The following CMPK2 variants were observed in gnomAD, a reference collection of about 807,000 sequenced individuals.
The protein encoded by CMPK2 is UMP-CMP kinase 2, mitochondrial.
In CMPK2, 32 loss-of-function variants were observed where a neutral mutation model predicts 33.4. That is an observed-to-expected ratio of 0.96 (90% confidence interval 0.72 to 1.29). The LOEUF (loss-of-function observed/expected upper bound fraction) is 1.29, where lower values mean the gene tolerates loss of function less well. Among genes scored for constraint, CMPK2 ranks in the 50% most tolerant of loss-of-function variants. CMPK2 has a pLI of 0.00. For missense variants in CMPK2, 672 were observed against 616.0 expected (o/e 1.09, Z -0.96); for synonymous variants, 299 against 275.3 (o/e 1.09, Z -0.85).
At chr2:6,842,129 C>A (rs1662249131) in intron 3 of CMPK2, among the ~76,000 whole-genome samples, 2 of 152,096 alleles carry the variant, frequency 1.3e-5, no homozygotes, top group South Asian at 4.2e-4. Flanking sequence ...TAGAACTTTA[C>A]TTGTAAAGAC....
In CMPK2 at chr2:6,865,106, C is replaced by A. The variant is rs371846668; in HGVS notation, c.591G>T (p.Glu197Asp). 1.4e-3 allele frequency: 2,134 copies of A among 1,506,400 alleles called. 5 individuals are homozygous for A. The highest frequency in any genetic ancestry group is 1.7e-3 in the Non-Finnish European group (1,864 of 1,126,354). The allele number at this position is 1,506,400 out of a possible 1,614,324, so 93.3% of individuals were successfully genotyped here. ...CTGGCACCACCGGGTGCAGCGGGGGCTCCGGGACGGGCACGACCTGTGCGC... is the reference window on the plus strand; with the variant it reads ...CTGGCACCACCGGGTGCAGCGGGGGATCCGGGACGGGCACGACCTGTGCGC... ...VGCAQVVPVP[E>D]PPLHPVVPDL... is the part of the protein sequence containing the mutation. The change falls in exon 1 of 5, where the codon GAG (glutamate) becomes GAT (aspartate). Residue 197 changes from glutamate to aspartate, a missense_variant. Glu to Asp is a conservative substitution (Grantham distance 45). Transcript: ENST00000256722.
At chr2:6,858,361 C>T (rs912422111) in intron 3 of CMPK2, among the ~76,000 whole-genome samples, 4 of 152,016 alleles carry the variant, frequency 2.6e-5, no homozygotes, top group Non-Finnish European at 4.4e-5. Context: ...ATTATCTTAC[C>T]TCATCTTATG....
At chr2:6,865,949 C>T (rs868805759), upstream of CMPK2, 3 of 1,296,350 alleles carry the variant, frequency 2.3e-6, no homozygotes, top group Non-Finnish European at 3.0e-6. Context: ...CGCTTGGCCC[C>T]GGGGCCCCAG....
chr2:6,849,681 T>G lies in CMPK2; in HGVS notation c.*169A>C. The G allele has an allele frequency of 1.4e-6, 2 of 1,469,398 alleles. No individual in the cohort carries two copies. The highest frequency in any genetic ancestry group is 1.8e-6 in the Non-Finnish European group (2 of 1,121,028). 91.0% of individuals were successfully genotyped at this position (1,469,398 alleles called of 1,614,324 possible). A position where few individuals can be genotyped will look rare whatever the true frequency, so the allele number is the denominator to read the frequency against. On this transcript the variant is annotated 3_prime_UTR_variant, in exon 5 of 5. Transcript: ENST00000256722. ...ACCTTTGTGATGACGGGTCCATCAG[T>G]CAGAAGAGGGTACGATGGCTGAAGT...
upstream of CMPK2, chr2:6,865,923 G>A (rs1312663554): frequency 2.2e-6 from 3 of 1,394,908 alleles, no homozygotes; most frequent in Admixed American, 5.4e-5. Flanking sequence ...ATAAACGGCC[G>A]GCGCTCGGGA....
At chr2:6,846,132 G>A (rs887990304), downstream of CMPK2, among the ~76,000 whole-genome samples, 6 of 152,164 alleles carry the variant, frequency 3.9e-5, no homozygotes, top group African/African-American at 1.4e-4. Flanking sequence ...AGAAATGTTA[G>A]GTAAAAACTC....
chr2:6,863,491 C>T lies in CMPK2; in HGVS notation c.763G>A (p.Val255Ile). The T allele has an allele frequency of 6.2e-7, 1 of 1,614,188 alleles. No individual in the cohort carries two copies. The highest frequency in any genetic ancestry group is 8.5e-7 in the Non-Finnish European group (1 of 1,180,026). Residue 255 changes from valine (V) to isoleucine (I), a missense_variant, in exon 2 of 5, where the codon GTT (valine) becomes ATT (isoleucine). Transcript: ENST00000256722. ...GTGGCATCCAGTCCTTCGATGGCAA[C>T]AACCTGGAACTTTCCTTTCTGGATC... ...KQIQKGKFQV[V>I]AIEGLDATGK...
chr2:6,841,109 C>A (rs1317517501), intron 3 of CMPK2, among the ~76,000 whole-genome samples: 2 of 152,100 alleles, frequency 1.3e-5, no homozygotes, highest in African/African-American at 2.4e-5. Flanking sequence ...TTTTGAGACC[C>A]CTTGGGTAAC....
chr2:6,865,280 G>T lies in CMPK2; in HGVS notation c.417C>A (p.Asp139Glu). ...QGFLLRDPLDDPDTRQALLEL... is the reference protein window; with the variant it reads ...QGFLLRDPLDEPDTRQALLEL... ...CGAGCAGCGCTTGCCGGGTGTCAGGGTCATCCAGGGGGTCGCGCAGCAGGA... is the reference window on the plus strand; with the variant it reads ...CGAGCAGCGCTTGCCGGGTGTCAGGTTCATCCAGGGGGTCGCGCAGCAGGA... The change falls in exon 1 of 5, where the codon GAC becomes GAA. Residue 139 changes from aspartate (D) to glutamate (E), a missense_variant. Physicochemically the swap from Asp to Glu is conservative, Grantham distance 45. Coordinates refer to ENST00000256722, the MANE Select transcript of CMPK2 (RefSeq NM_207315.4). 1 of 1,533,576 alleles carries T rather than the reference G, an allele frequency of 6.5e-7. No homozygotes were observed. The highest frequency in any genetic ancestry group is 1.2e-5 in the South Asian group (1 of 84,230). 95.0% of individuals were successfully genotyped at this position (1,533,576 alleles called of 1,614,324 possible).
rs1662880646 is a variant in CMPK2, at chr2:6,861,438, A to C, written c.791-53T>G. 3 of 1,387,930 alleles carry C rather than the reference A, an allele frequency of 2.2e-6. No individual in the cohort carries two copies. The South Asian group carries it at 3.6e-5, about 17-fold the overall frequency. 86.0% of individuals were successfully genotyped at this position (1,387,930 alleles called of 1,614,324 possible). On this transcript the variant is annotated intron_variant, in intron 2 of 4. Coordinates refer to ENST00000256722, the MANE Select transcript of CMPK2 (RefSeq NM_207315.4). ...TCTTAACCACAGCCCCAAAGTTAAC[A>C]TTGACGTAGAAAGAGCACAGACGTT... is the stretch of plus-strand genomic sequence containing the variant.
chr2:6,857,239 A>G (rs1662732108), intron 3 of CMPK2, among the ~76,000 whole-genome samples: 1 of 152,024 alleles, frequency 6.6e-6, no homozygotes, highest in Non-Finnish European at 1.5e-5. Context: ...TAAGTTCAGT[A>G]TGACCTGCTT....
At chr2:6,857,829 G>T (rs928843851) in intron 3 of CMPK2, among the ~76,000 whole-genome samples, 3 of 150,290 alleles carry the variant, frequency 2.0e-5, no homozygotes, top group African/African-American at 7.4e-5. Flanking sequence ...TAGAGACGGG[G>T]TTTCACCGTG....
Position 6,865,259 on chromosome 2 carries a change from C to G in CMPK2, c.438G>C (p.Leu146=). The part of the protein sequence containing the change: ...PLDDPDTRQA[L]LELLGACQEA... ...CCTGACAGGCGCCCAGCAGCTCGAG[C>G]AGCGCTTGCCGGGTGTCAGGGTCAT... Residue 146 remains leucine (L), a synonymous_variant, in exon 1 of 5, where the codon CTG becomes CTC. Transcript: ENST00000256722. The G allele has an allele frequency of 1.3e-6, 2 of 1,537,462 alleles. No homozygotes were observed. Among genetic ancestry groups the G allele is most frequent in the Non-Finnish European group, 1.7e-6 (2 of 1,149,922 alleles).
chr2:6,851,268 A>G, intron 4 of CMPK2, 182 bp downstream of exon 4: 1 of 1,429,626 alleles, frequency 7.0e-7, no homozygotes, highest in Non-Finnish European at 9.2e-7. Context: ...TTAAGATAAC[A>G]ATGCTGCAGC....
downstream of CMPK2, among the ~76,000 whole-genome samples, chr2:6,843,560 C>T (rs188120909): frequency 4.0e-3 from 614 of 152,164 alleles, 1 homozygote; most frequent in Non-Finnish European, 7.3e-3. Context: ...TGCAGCCTGA[C>T]CAATTTTCCT....
chr2:6,865,960 G>C (rs1663075403), upstream of CMPK2: 1 of 1,180,716 alleles, frequency 8.5e-7, no homozygotes, highest in Admixed American at 3.5e-5. Context: ...GGGGCCCCAG[G>C]TGCGCGGCTC....
intron 3 of CMPK2, among the ~76,000 whole-genome samples, chr2:6,855,982 A>G (rs1164134974): frequency 6.6e-6 from 1 of 152,218 alleles, no homozygotes; most frequent in Non-Finnish European, 1.5e-5. Context: ...AAACTAGAGG[A>G]GTCAAAATTA....
chr2:6,857,322 G>C (rs1016765668), intron 3 of CMPK2, among the ~76,000 whole-genome samples: 2 of 143,256 alleles, frequency 1.4e-5, no homozygotes, highest in African/African-American at 2.7e-5. Flanking sequence ...TTGTTTTATT[G>C]TTTTTGGGAT....
In CMPK2 at chr2:6,851,689, A is replaced by T; in HGVS notation, c.993-6T>A. The T allele has an allele frequency of 6.2e-7, 1 of 1,613,754 alleles. No individual in the cohort carries two copies. On this transcript the variant is annotated splice_polypyrimidine_tract_variant and splice_region_variant and intron_variant, in intron 3 of 4. Coordinates refer to ENST00000256722, the MANE Select transcript of CMPK2 (RefSeq NM_207315.4). The stretch of plus-strand genomic sequence containing the variant: ...TGGCCGTGCTGTGCCAGTACCTGAG[A>T]AGGAATGGGGTAGTGAGTTCTCTGT...
Sources: gnomAD v4.1 joint callset for allele counts (sites outside exome capture counted in the v4.1 genomes callset) on GRCh38, gnomAD v4.1.1 for gene constraint, MANE v1.5 for transcripts, NCBI Gene and HGNC (gene_info 2026-07-23, HGNC 2026-07-21) for gene names.